Variants in ZMYND11 observed in about 807,000 individuals in gnomAD.
ZMYND11 encodes zinc finger MYND-type containing 11.
Under a neutral mutation model 84.9 loss-of-function variants are expected in ZMYND11, and 9 were observed. The ratio of observed to expected loss-of-function variants is 0.11; its 90% CI spans 0.06 to 0.18. The LOEUF (loss-of-function observed/expected upper bound fraction) is 0.18. Ranked by LOEUF, ZMYND11 falls within the 10% of genes least tolerant of loss-of-function variation. ZMYND11 has a pLI of 1.00. For synonymous variants in ZMYND11, 250 were observed against 244.1 expected (o/e 1.02, Z -0.23); for missense variants, 409 against 761.0 (o/e 0.54, Z 5.44).
At chr10:239,062 T>A (rs7919162) in intron 6 of ZMYND11, among the ~76,000 whole-genome samples, 1 of 152,074 alleles carries the variant, frequency 6.6e-6, no homozygotes, top group South Asian at 2.1e-4. Flanking sequence ...CCTCCTGTGT[T>A]GTAAAGAATG....
chr10:210,090 T>C (rs1394520028), intron 3 of ZMYND11, 42 bp downstream of exon 3: 2 of 1,599,146 alleles, frequency 1.3e-6, no homozygotes, highest in Non-Finnish European at 1.7e-6. Context: ...TGTGAACTTT[T>C]AGCTTTTAAA....
chr10:135,133 C>T (rs1243593068), upstream of ZMYND11: 2 of 149,296 alleles, frequency 1.3e-5, no homozygotes, highest in South Asian at 4.3e-4. The surrounding 1 kb of genome is among the most constrained non-coding windows in gnomAD (Gnocchi z 5.6). Flanking sequence ...CCAACTTTCC[C>T]GGGCGGCGGC....
intron 9 of ZMYND11, among the ~76,000 whole-genome samples, chr10:241,801 G>A (rs987775274): frequency 3.3e-5 from 5 of 152,066 alleles, no homozygotes; most frequent in African/African-American, 1.2e-4. Context: ...GGATGGCCTT[G>A]CTCCAGTCCC....
intron 2 of ZMYND11, 118 bp from the exon 3 acceptor site, chr10:209,771 A>G: frequency 1.0e-6 from 1 of 972,746 alleles, no homozygotes; most frequent in Non-Finnish European, 1.5e-6. Flanking sequence ...CTTTATCTCA[A>G]CAGGACTCTC....
At chr10:218,042 G>T (rs2131377557) in intron 3 of ZMYND11, among the ~76,000 whole-genome samples, 1 of 152,306 alleles carries the variant, frequency 6.6e-6, no homozygotes, top group South Asian at 2.1e-4. Flanking sequence ...CCGATTTTTA[G>T]AGAATCCAGT....
At chr10:206,841 AT>A (rs904769938) in intron 2 of ZMYND11, among the ~76,000 whole-genome samples, 11 of 151,632 alleles carry the variant, frequency 7.3e-5, no homozygotes, top group African/African-American at 2.4e-4. Flanking sequence ...TATTTTTTTA[AT>A]TTTTTTATTA....
chr10:180,295 A>G (rs1221764654), intron 2 of ZMYND11, among the ~76,000 whole-genome samples, 167 bp downstream of exon 2: 2 of 152,240 alleles, frequency 1.3e-5, no homozygotes, highest in East Asian at 3.8e-4. Context: ...AGAAACATAC[A>G]CAAACAACTT....
intron 10 of ZMYND11, among the ~76,000 whole-genome samples, chr10:245,601 A>G (rs934800714): frequency 2.0e-5 from 3 of 152,194 alleles, no homozygotes; most frequent in African/African-American, 4.8e-5. Flanking sequence ...GCATCCATAC[A>G]GTTTCCTACC....
intron 2 of ZMYND11, among the ~76,000 whole-genome samples, chr10:205,318 A>AT (rs1469559209): frequency 6.6e-6 from 1 of 152,076 alleles, no homozygotes; most frequent in East Asian, 1.9e-4. Flanking sequence ...TCCCTGTAGC[A>AT]TTTTTTTGTA....
In ZMYND11 at chr10:249,944, CAAAA is replaced by C. The variant is rs1953020086; in HGVS notation, c.1686+857_1686+860del. Among the ~76,000 whole-genome samples the C allele has an allele frequency of 3.3e-5, 5 of 152,108 alleles. No individual in the cohort carries two copies. In the South Asian group the frequency reaches 1.0e-3, roughly 32 times the overall value. ...CTTGGTAGGAAGAGCTGGTGAATAA[CAAAA>C]TAAATATTGTTAACAAAAGACCAGG... On this transcript the variant is annotated intron_variant, in intron 14 of 14. Coordinates refer to ENST00000381604, the MANE Select transcript of ZMYND11 (RefSeq NM_001370100.5).
chr10:241,900 A>C (rs1284268462), intron 9 of ZMYND11, 121 bp from the exon 10 acceptor site: 16 of 1,239,818 alleles, frequency 1.3e-5, no homozygotes, highest in African/African-American at 1.5e-5. Flanking sequence ...GTATGTGTTT[A>C]GGAGTTATGA....
chr10:131,527 T>C (rs976028470), upstream of ZMYND11, among the ~76,000 whole-genome samples: 6 of 152,292 alleles, frequency 3.9e-5, no homozygotes, highest in East Asian at 3.9e-4. Flanking sequence ...GGATTTCTTA[T>C]ACTGACAGTT....
At chr10:251,503 C>A (rs1953489679) in intron 14 of ZMYND11, among the ~76,000 whole-genome samples, 1 of 152,112 alleles carries the variant, frequency 6.6e-6, no homozygotes, top group African/African-American at 2.4e-5. Context: ...CTCTCAACAG[C>A]CGTCAGATCT....
At chr10:187,550 G>GT (rs986063724) in intron 2 of ZMYND11, among the ~76,000 whole-genome samples, 29 of 151,954 alleles carry the variant, frequency 1.9e-4, no homozygotes, top group Non-Finnish European at 3.7e-4. Context: ...AGGAGAATGG[G>GT]GTGAACCCGG....
At chr10:193,482 C>T (rs988416711) in intron 2 of ZMYND11, among the ~76,000 whole-genome samples, 1 of 152,236 alleles carries the variant, frequency 6.6e-6, no homozygotes, top group Admixed American at 6.5e-5. Flanking sequence ...GTGACATTCA[C>T]TCAACAGTCT....
At chr10:187,040 C>T (rs1439414830) in intron 2 of ZMYND11, among the ~76,000 whole-genome samples, 1 of 151,976 alleles carries the variant, frequency 6.6e-6, no homozygotes, top group Non-Finnish European at 1.5e-5. Context: ...ACAGCCTGAG[C>T]AACATATTGA....
rs191922171 is a variant in ZMYND11, at chr10:215,458, A to G, written c.276+5410A>G. Among the ~76,000 whole-genome samples, 457 of 152,326 alleles carry G rather than the reference A, an allele frequency of 3.0e-3. No individual in the cohort carries two copies. The Middle Eastern group carries it at 0.031, about 10-fold the overall frequency. ...AGGAACCACGTTGATACTTTTGGTTAAAGTCCTTCTACCGGTATGTTTTGC... is the reference window on the plus strand; with the variant it reads ...AGGAACCACGTTGATACTTTTGGTTGAAGTCCTTCTACCGGTATGTTTTGC... On this transcript the variant is annotated intron_variant, in intron 3 of 14. Transcript: ENST00000381604.
rs1169743910 is a variant in ZMYND11, at chr10:249,863, T to C, written c.1686+775T>C. Reference sequence around the variant, plus strand: ...TTTTCATGAAAGAAATATTTTTAAATCTGTGACAAAGATTTGGCAAGAAGG... The same window carrying C: ...TTTTCATGAAAGAAATATTTTTAAACCTGTGACAAAGATTTGGCAAGAAGG... On this transcript the variant is annotated intron_variant, in intron 14 of 14. Transcript: ENST00000381604. 4.8e-6 allele frequency: 4 copies of C among 830,796 alleles called. No homozygotes were observed. The African/African-American group carries it at 5.6e-5, about 12-fold the overall frequency. The allele number at this position is 830,796 out of a possible 1,614,324, so 51.5% of individuals were successfully genotyped here. A position where few individuals can be genotyped will look rare whatever the true frequency, so the allele number is the denominator to read the frequency against.
intron 4 of ZMYND11, among the ~76,000 whole-genome samples, chr10:226,689 AC>A (rs1948193499): frequency 6.6e-6 from 1 of 152,144 alleles, no homozygotes; most frequent in Admixed American, 6.5e-5. Flanking sequence ...ACAGTGAGCT[AC>A]CCGTTTTCTT....
Sources: allele counts gnomAD v4.1 joint callset (sites outside exome capture counted in the v4.1 genomes callset), GRCh38; gene constraint gnomAD v4.1.1; non-coding constraint Gnocchi (gnomAD v3.1); transcripts MANE v1.5; gene names NCBI Gene and HGNC (gene_info 2026-07-23, HGNC 2026-07-21).